The following RNF185 variants were observed in gnomAD, a reference collection of about 807,000 sequenced individuals.
RNF185 encodes ring finger protein 185.
In RNF185, 13 loss-of-function variants were observed where a neutral mutation model predicts 24.9. The observed-to-expected ratio is 0.52, with a 90% confidence interval of 0.34 to 0.83. RNF185 has a LOEUF of 0.83. Ranked by LOEUF, RNF185 falls within the 40% of genes least tolerant of loss-of-function variation. The pLI, the probability that RNF185 is intolerant of heterozygous loss-of-function variation, is 0.01. For missense variants in RNF185, 184 were observed against 244.7 expected, an observed-to-expected ratio of 0.75 and a Z score of 1.65; for synonymous variants, 79 against 90.3, an observed-to-expected ratio of 0.88 and a Z score of 0.71.
intron 1 of RNF185, among the ~76,000 whole-genome samples, chr22:31,176,766 G>A (rs1370917773): frequency 1.3e-5 from 2 of 152,174 alleles, no homozygotes; most frequent in African/African-American, 4.8e-5. Context: ...GAGATTGCAG[G>A]CGTGAGCCAC....
In RNF185 at chr22:31,167,119, A is replaced by AT. The variant is rs202056911; in HGVS notation, c.-49+6824dup. Reference sequence around the variant, plus strand: ...AATAAGGAGCATAGATTTTCTTAAAATTTTTTTTATTGTGGTAAGATGTAC... The same window carrying AT: ...AATAAGGAGCATAGATTTTCTTAAAATTTTTTTTTATTGTGGTAAGATGTAC... On this transcript the variant is annotated intron_variant, in intron 1 of 6. Transcript: ENST00000326132. Among the ~76,000 whole-genome samples, 550 of 152,142 alleles carry AT rather than the reference A, an allele frequency of 3.6e-3. 4 individuals are homozygous for AT. Among genetic ancestry groups the AT allele is most frequent in the African/African-American group, 0.012 (487 of 41,518 alleles).
At chr22:31,168,892 C>G in intron 1 of RNF185, among the ~76,000 whole-genome samples, 1 of 152,076 alleles carries the variant, frequency 6.6e-6, no homozygotes, top group African/African-American at 2.4e-5. Flanking sequence ...CCTTTGCCCC[C>G]CCGCCCCACC....
In RNF185 at chr22:31,193,444, G is replaced by A. The variant is rs1293471944; in HGVS notation, c.195+742G>A. Among the ~76,000 whole-genome samples, 3 of 152,260 alleles carry A rather than the reference G, an allele frequency of 2.0e-5. No individual in the cohort carries two copies. The East Asian group carries it at 5.8e-4, about 29-fold the overall frequency. ...TAAGAGTAGTAAATAAAATCATTCA[G>A]TGCTGCCATCTCCTCAGCCCTGAAG... is the stretch of plus-strand genomic sequence containing the variant. On this transcript the variant is annotated intron_variant, in intron 3 of 6. Transcript: ENST00000326132.
At chr22:31,161,581 A>G (rs993423105) in intron 1 of RNF185, among the ~76,000 whole-genome samples, 1 of 152,214 alleles carries the variant, frequency 6.6e-6, no homozygotes, top group African/African-American at 2.4e-5. Context: ...ATGGGTTAGT[A>G]GCTTTTTTCT....
chr22:31,163,217 TAC>T (rs1239516432), intron 1 of RNF185, among the ~76,000 whole-genome samples: 9 of 152,228 alleles, frequency 5.9e-5, no homozygotes, highest in African/African-American at 1.9e-4. Flanking sequence ...GCTTTAATGC[TAC>T]TCAGTGGAGT....
At chr22:31,174,662 G>A (rs796324930) in intron 1 of RNF185, among the ~76,000 whole-genome samples, 9 of 152,114 alleles carry the variant, frequency 5.9e-5, no homozygotes, top group African/African-American at 2.2e-4. Context: ...ACAGGAGTGA[G>A]CCACCATTCT....
intron 1 of RNF185, among the ~76,000 whole-genome samples, chr22:31,184,478 G>A (rs1386076631): frequency 2.6e-5 from 4 of 151,996 alleles, no homozygotes; most frequent in Admixed American, 2.6e-4. Context: ...ACGATGGGCG[G>A]CCAGGCAGAG....
chr22:31,167,696 C>T (rs935247194), intron 1 of RNF185, among the ~76,000 whole-genome samples: 3 of 148,574 alleles, frequency 2.0e-5, no homozygotes, highest in Middle Eastern at 3.3e-3. Context: ...TCACTTCAAC[C>T]TCCGCATCCT....
intron 1 of RNF185, among the ~76,000 whole-genome samples, chr22:31,181,081 T>C (rs58727240): frequency 0.072 from 10,964 of 152,056 alleles, 1,323 homozygotes; most frequent in African/African-American, 0.25. Context: ...ATACCTTTTA[T>C]TGGGGCTAGG....
At chr22:31,188,281 A>G (rs968302309) in intron 2 of RNF185, among the ~76,000 whole-genome samples, 4 of 152,232 alleles carry the variant, frequency 2.6e-5, no homozygotes, top group Admixed American at 2.6e-4. Context: ...TAAGTTGGCA[A>G]CAGCGTAAAA....
At chr22:31,193,043 G>T (rs915730516) in intron 3 of RNF185, among the ~76,000 whole-genome samples, 2 of 152,188 alleles carry the variant, frequency 1.3e-5, no homozygotes, top group Admixed American at 1.3e-4. Flanking sequence ...GCCCTTAAAG[G>T]TTATGAAAAT....
At chr22:31,180,909 C>CTGTG (rs1268107252) in intron 1 of RNF185, among the ~76,000 whole-genome samples, 1 of 128,850 alleles carries the variant, frequency 7.8e-6, no homozygotes, top group African/African-American at 3.0e-5. Flanking sequence ...CATTTTCTCT[C>CTGTG]TCTCTCTGTG....
chr22:31,163,656 T>TTTA (rs71319165), intron 1 of RNF185, among the ~76,000 whole-genome samples: 16 of 141,092 alleles, frequency 1.1e-4, no homozygotes, highest in East Asian at 2.1e-4. Flanking sequence ...TTTTATTTTA[T>TTTA]TTTATTTATT....
Position 31,204,493 on chromosome 22 carries a change from C to T in RNF185, c.486C>T (p.Val162=). ...TTCTCCTTTCTGTCTCTCCAGCTGT[C>T]CCTGGGACACCCCAGTATGTGGACG... is the stretch of plus-strand genomic sequence containing the variant. ...NINDGRPPPA[V]PGTPQYVDEQ... Residue 162 remains valine, a synonymous_variant, in exon 7 of 7, where the codon GTC becomes GTT. Transcript: ENST00000326132. The T allele has an allele frequency of 6.2e-6, 10 of 1,606,796 alleles. No individual in the cohort carries two copies. Among genetic ancestry groups the T allele is most frequent in the Non-Finnish European group, 8.5e-6 (10 of 1,173,372 alleles).
intron 1 of RNF185, among the ~76,000 whole-genome samples, chr22:31,174,663 C>T (rs1008351201): frequency 1.3e-5 from 2 of 151,742 alleles, no homozygotes; most frequent in Admixed American, 6.6e-5. Context: ...CAGGAGTGAG[C>T]CACCATTCTT....
chr22:31,199,052 A>G (rs1601377741), intron 5 of RNF185, among the ~76,000 whole-genome samples: 1 of 150,712 alleles, frequency 6.6e-6, no homozygotes, highest in Non-Finnish European at 1.5e-5. Flanking sequence ...GTGAGCTGAG[A>G]TCACACCACT....
chr22:31,188,803 A>G (rs772906473), intron 2 of RNF185, among the ~76,000 whole-genome samples: 1 of 151,488 alleles, frequency 6.6e-6, no homozygotes, highest in Non-Finnish European at 1.5e-5. Context: ...GGCGACAGAG[A>G]GAGACCCTGT....
chr22:31,171,156 C>CTTACTTATTTTATTTATTTATTTAT (rs149267234), intron 1 of RNF185, among the ~76,000 whole-genome samples: 1 of 143,150 alleles, frequency 7.0e-6, no homozygotes, highest in African/African-American at 2.6e-5. Context: ...CTCTGATTTA[C>CTTACTTATTTTATTTATTTATTTAT]TTATTTATTT....
At chr22:31,175,599 C>G (rs779400262) in intron 1 of RNF185, among the ~76,000 whole-genome samples, 83 of 152,040 alleles carry the variant, frequency 5.5e-4, no homozygotes, top group Non-Finnish European at 2.2e-4. Flanking sequence ...CTCAAAGTTA[C>G]AAATATAAAT....
Sources: gnomAD v4.1 joint callset for allele counts (sites outside exome capture counted in the v4.1 genomes callset) on GRCh38, gnomAD v4.1.1 for gene constraint, MANE v1.5 for transcripts, NCBI Gene and HGNC (gene_info 2026-07-23, HGNC 2026-07-21) for gene names.